The following PTPRD variants were observed in gnomAD, a reference collection of about 807,000 sequenced individuals.
The protein encoded by PTPRD is receptor-type tyrosine-protein phosphatase delta.
In PTPRD, 34 loss-of-function variants were observed where a neutral mutation model predicts 214.5. The observed-to-expected ratio is 0.16, with a 90% CI of 0.12 to 0.21. The LOEUF is 0.21. Among genes scored for constraint, PTPRD ranks in the 10% least tolerant of loss-of-function variants. The pLI, the probability that PTPRD is intolerant of heterozygous loss-of-function variation, is 1.00. For missense variants in PTPRD, 2,545 were observed against 2,398.7 expected (o/e 1.06, Z -1.27); for synonymous variants, 1,128 against 845.7 (o/e 1.33, Z -5.79).
chr9:8,354,883 C>G (rs572636086), intron 39 of PTPRD, among the ~76,000 whole-genome samples: 1 of 152,272 alleles, frequency 6.6e-6, no homozygotes, highest in Non-Finnish European at 1.5e-5. Context: ...AATGCTGTTC[C>G]TGTAATTGTC....
chr9:8,525,081 C>T (rs1564066662), intron 17 of PTPRD, 46 bp from the exon 18 acceptor site: 2 of 1,515,344 alleles, frequency 1.3e-6, no homozygotes, highest in Non-Finnish European at 1.8e-6. Flanking sequence ...TCAGAGAAGG[C>T]TTTCTCAGTT....
intron 8 of PTPRD, among the ~76,000 whole-genome samples, chr9:9,478,083 T>C (rs1263468990): frequency 6.6e-6 from 1 of 152,148 alleles, no homozygotes; most frequent in Admixed American, 6.6e-5. Flanking sequence ...TTTGTTTTGA[T>C]TGTCTCAAAT....
intron 9 of PTPRD, among the ~76,000 whole-genome samples, chr9:9,352,944 A>C (rs2052043227): frequency 6.6e-6 from 1 of 152,118 alleles, no homozygotes; most frequent in South Asian, 2.1e-4. Context: ...AATGGATACA[A>C]AAGAGAAAAC....
intron 27 of PTPRD, among the ~76,000 whole-genome samples, chr9:8,490,634 A>C (rs2097130942): frequency 6.6e-6 from 1 of 152,212 alleles, no homozygotes; most frequent in Non-Finnish European, 1.5e-5. Context: ...TAATTATTAC[A>C]ATACAGAATA....
chr9:9,389,152 G>A (rs1462076569), intron 9 of PTPRD, among the ~76,000 whole-genome samples: 1 of 152,146 alleles, frequency 6.6e-6, no homozygotes, highest in African/African-American at 2.4e-5. Context: ...TGTAAAACAT[G>A]TAAAATAGGG....
intron 10 of PTPRD, among the ~76,000 whole-genome samples, chr9:9,110,628 C>T (rs1591784148): frequency 1.3e-5 from 2 of 152,058 alleles, no homozygotes; most frequent in South Asian, 2.1e-4. Flanking sequence ...TCTTACCCAC[C>T]CATCAAATAA....
chr9:8,953,081 T>C (rs72708121), intron 11 of PTPRD, among the ~76,000 whole-genome samples: 48,109 of 151,056 alleles, frequency 0.32, 7,881 homozygotes, highest in Non-Finnish European at 0.36. Flanking sequence ...TTTTTTTTTT[T>C]AGATAAAATA....
In PTPRD at chr9:9,005,329, G is replaced by T. The variant is rs564007524; in HGVS notation, c.-104+13368C>A. On this transcript the variant is annotated intron_variant, in intron 11 of 45. Transcript: ENST00000381196. The stretch of plus-strand genomic sequence containing the variant: ...AAAACAGCAACCACCTTGCCTGAAT[G>T]TTGTGAAAACAAGAAATAGCATGTG... Among the ~76,000 whole-genome samples, 12 of 152,178 alleles carry T rather than the reference G, an allele frequency of 7.9e-5. No homozygotes were observed. The East Asian group carries it at 2.3e-3, about 29-fold the overall frequency.
At chr9:10,243,152 G>A (rs532966567) in intron 3 of PTPRD, among the ~76,000 whole-genome samples, 5 of 152,062 alleles carry the variant, frequency 3.3e-5, no homozygotes, top group African/African-American at 1.2e-4. Context: ...CACTCTTGAG[G>A]AGGGAGTTAT....
chr9:9,774,412 G>C (rs1354102430), intron 5 of PTPRD, among the ~76,000 whole-genome samples: 2 of 152,158 alleles, frequency 1.3e-5, no homozygotes, highest in Admixed American at 1.3e-4. Flanking sequence ...ACAGTGGATA[G>C]GGTGATGATT....
At chr9:9,897,581 G>A (rs560220498) in intron 5 of PTPRD, among the ~76,000 whole-genome samples, 10 of 151,904 alleles carry the variant, frequency 6.6e-5, no homozygotes, top group Admixed American at 5.2e-4. Flanking sequence ...GAGTATCCTT[G>A]TACTTTATTG....
At chr9:8,947,109 T>A (rs1206452621) in intron 11 of PTPRD, among the ~76,000 whole-genome samples, 1 of 151,476 alleles carries the variant, frequency 6.6e-6, no homozygotes. Flanking sequence ...CTTTATTATA[T>A]TATTTGTTAT....
chr9:9,236,792 C>T (rs1047837550), intron 9 of PTPRD, among the ~76,000 whole-genome samples: 4 of 151,756 alleles, frequency 2.6e-5, no homozygotes, highest in Non-Finnish European at 5.9e-5. Flanking sequence ...GTTGGGACCC[C>T]AAAGAAAATG....
chr9:9,566,442 G>A (rs1164145526), intron 8 of PTPRD, among the ~76,000 whole-genome samples: 2 of 151,902 alleles, frequency 1.3e-5, no homozygotes, highest in Non-Finnish European at 2.9e-5. Context: ...CTCTCTGTAC[G>A]TGCTTTTCGA....
chr9:9,611,771 G>C (rs897662002), intron 7 of PTPRD, among the ~76,000 whole-genome samples: 2 of 152,006 alleles, frequency 1.3e-5, no homozygotes, highest in African/African-American at 4.8e-5. Context: ...AAAAATATTA[G>C]TGTTGATATG....
At chr9:8,673,265 A>G (rs1272604082) in intron 12 of PTPRD, among the ~76,000 whole-genome samples, 1 of 152,162 alleles carries the variant, frequency 6.6e-6, no homozygotes, top group Non-Finnish European at 1.5e-5. Context: ...TAGAAATTGC[A>G]CAAAACAAAA....
chr9:8,813,699 T>C (rs1174949493), intron 11 of PTPRD, among the ~76,000 whole-genome samples: 1 of 152,162 alleles, frequency 6.6e-6, no homozygotes, highest in Non-Finnish European at 1.5e-5. Flanking sequence ...TCATGAGCTG[T>C]GAGGCTCGCT....
intron 5 of PTPRD, among the ~76,000 whole-genome samples, chr9:9,768,303 GA>G (rs1379141987): frequency 1.3e-5 from 2 of 152,102 alleles, no homozygotes; most frequent in Non-Finnish European, 2.9e-5. Context: ...AAATTGCTTA[GA>G]ACAGTTTTTG....
At chr9:8,970,054 G>C (rs553408351) in intron 11 of PTPRD, among the ~76,000 whole-genome samples, 1 of 151,962 alleles carries the variant, frequency 6.6e-6, no homozygotes, top group East Asian at 1.9e-4. Flanking sequence ...CTAGGAGTTA[G>C]GTACTTATTC....
Sources: allele counts gnomAD v4.1 joint callset (sites outside exome capture counted in the v4.1 genomes callset), GRCh38; gene constraint gnomAD v4.1.1; transcripts MANE v1.5; gene names NCBI Gene and HGNC (gene_info 2026-07-23, HGNC 2026-07-21).